The following PRKRIP1 variants were observed in gnomAD, a reference collection of about 807,000 sequenced individuals.
The protein encoded by PRKRIP1 is PRKR-interacting protein 1.
In PRKRIP1, 29 loss-of-function variants were observed where a neutral mutation model predicts 29.3. The ratio of observed to expected loss-of-function variants is 0.99; its 90% CI spans 0.74 to 1.35. The LOEUF (loss-of-function observed/expected upper bound fraction) is 1.35, where lower values mean the gene tolerates loss of function less well. PRKRIP1 is among the 40% of genes most tolerant of loss of function. The pLI is 0.00. For missense variants in PRKRIP1, 247 were observed against 236.8 expected, an observed-to-expected ratio of 1.04 and a Z score of -0.28; for synonymous variants, 90 against 85.1, an observed-to-expected ratio of 1.06 and a Z score of -0.32.
At chr7:102,397,512 C>G in intron 1 of PRKRIP1, 108 bp from the exon 2 acceptor site, 1 of 882,274 alleles carries the variant, frequency 1.1e-6, no homozygotes, top group Non-Finnish European at 1.8e-6. Context: ...CACCACTGCA[C>G]TCCAGCCTGA....
At chr7:102,404,754 G>A (rs1586679135) in intron 4 of PRKRIP1, 71 bp downstream of exon 4, 2 of 1,116,370 alleles carry the variant, frequency 1.8e-6, no homozygotes, top group Non-Finnish European at 2.7e-6. Flanking sequence ...TGTCCTTGCA[G>A]TCAGTAGTAG....
intron 5 of PRKRIP1, among the ~76,000 whole-genome samples, chr7:102,413,735 A>G (rs1228810769): frequency 2.0e-5 from 3 of 152,184 alleles, no homozygotes; most frequent in Non-Finnish European, 4.4e-5. Context: ...TCCTGATTTT[A>G]TCATGTAACA....
chr7:102,421,615 G>A (rs112008894), intron 5 of PRKRIP1, among the ~76,000 whole-genome samples: 96 of 152,204 alleles, frequency 6.3e-4, no homozygotes, highest in African/African-American at 2.1e-3. Flanking sequence ...TAGCTAACAC[G>A]GTGAAACCCC....
intron 5 of PRKRIP1, among the ~76,000 whole-genome samples, chr7:102,418,052 T>C (rs1435926595): frequency 6.7e-6 from 1 of 149,418 alleles, no homozygotes; most frequent in African/African-American, 2.5e-5. Flanking sequence ...TCTTCTTCTT[T>C]TTTTTTTTTT....
rs1796380712 is a variant in PRKRIP1 at position 102,411,461 on chromosome 7, T to G, written c.457+3963T>G. On this transcript the variant is annotated intron_variant, in intron 5 of 5. Transcript: ENST00000397912. ...AGTACAGTGTGCAATCTTGGCTCAC[T>G]GCAACCTCCACCTCCTGGGTTCAAG... is the stretch of plus-strand genomic sequence containing the variant. Among the ~76,000 whole-genome samples the G allele has an allele frequency of 2.0e-5, 3 of 152,030 alleles. No homozygotes were observed. In the East Asian group the frequency reaches 5.8e-4, roughly 29 times the overall value.
chr7:102,423,355 C>A, intron 5 of PRKRIP1: 1 of 366,804 alleles, frequency 2.7e-6, no homozygotes. Context: ...ACCTCGTGAT[C>A]CATCCACCTC....
At chr7:102,422,437 C>A (rs185120087) in intron 5 of PRKRIP1, among the ~76,000 whole-genome samples, 2 of 151,454 alleles carry the variant, frequency 1.3e-5, no homozygotes, top group Non-Finnish European at 2.9e-5. Context: ...CTCCCACCCC[C>A]GGTTCAAGCA....
chr7:102,404,605 T>G lies in PRKRIP1; in HGVS notation c.314T>G (p.Leu105Trp). 1 of 1,613,670 alleles carries G rather than the reference T, an allele frequency of 6.2e-7. No homozygotes were observed. The highest frequency in any genetic ancestry group is 8.5e-7 in the Non-Finnish European group (1 of 1,179,756). The change falls in exon 4 of 6, where the codon TTG (leucine) becomes TGG (tryptophan). Residue 105 changes from leucine (L) to tryptophan (W), a missense_variant. Around this residue, in one of 3 missense-constraint regions of PRKRIP1, gnomAD observed 134 missense variants for 126.6 expected, o/e 1.06. Transcript: ENST00000397912. The part of the protein sequence containing the change: ...YMDAMAEKQK[L>W]DAEFQKRLEK... ...ATGTGGGTTTTGTTGCAGCAAAAAT[T>G]GGATGCAGAGTTTCAGAAAAGACTG...
Position 102,425,564 on chromosome 7 carries a change from A to C in PRKRIP1, c.*453A>C. On this transcript the variant is annotated 3_prime_UTR_variant, in exon 6 of 6. Transcript: ENST00000397912. ...CGTGGACCTGGTCCCAGGCTCAGTGAGGAGATGGCCTCAGCTGTGGGGCTG... is the reference window on the plus strand; with the variant it reads ...CGTGGACCTGGTCCCAGGCTCAGTGCGGAGATGGCCTCAGCTGTGGGGCTG... 3.6e-6 allele frequency: 1 copy of C among 279,360 alleles called. No individual in the cohort carries two copies. The highest frequency in any genetic ancestry group is 7.0e-6 in the Non-Finnish European group (1 of 143,498). The allele number at this position is 279,360 out of a possible 1,614,324, so 17.3% of individuals were successfully genotyped here. A position where few individuals can be genotyped will look rare whatever the true frequency, so the allele number is the denominator to read the frequency against.
At chr7:102,421,900 C>T (rs1554573784) in intron 5 of PRKRIP1, among the ~76,000 whole-genome samples, 1 of 152,050 alleles carries the variant, frequency 6.6e-6, no homozygotes, top group Admixed American at 6.6e-5. Context: ...CAGGTGTTCT[C>T]ATGACACAGC....
intron 5 of PRKRIP1, among the ~76,000 whole-genome samples, chr7:102,421,805 A>G (rs1362359521): frequency 5.9e-5 from 9 of 152,056 alleles, no homozygotes; most frequent in African/African-American, 2.2e-4. Flanking sequence ...CCAAAAAAAA[A>G]AAAAAGTGTC....
At chr7:102,399,422 G>T (rs1796005707) in intron 2 of PRKRIP1, 126 bp from the exon 3 acceptor site, 2 of 715,576 alleles carry the variant, frequency 2.8e-6, no homozygotes, top group Non-Finnish European at 5.0e-6. Flanking sequence ...TGGATACAGT[G>T]GGGAGAAAGG....
At chr7:102,409,427 G>A (rs572149405) in intron 5 of PRKRIP1, among the ~76,000 whole-genome samples, 18 of 152,218 alleles carry the variant, frequency 1.2e-4, no homozygotes, top group African/African-American at 4.3e-4. Flanking sequence ...GGGCATAAAA[G>A]CTATTCTCAC....
chr7:102,396,435 G>A lies in PRKRIP1; in HGVS notation c.24G>A (p.Ser8=). Reference sequence around the variant, plus strand: ...CCATGGCTAGCCCAGCCGCCTCCTCGGTGCGACCACCGAGGCCCAAGAAAG... The same window carrying A: ...CCATGGCTAGCCCAGCCGCCTCCTCAGTGCGACCACCGAGGCCCAAGAAAG... MASPAAS[S]VRPPRPKKEP... The change falls in exon 1 of 6, where the codon TCG becomes TCA. Residue 8 remains serine, a synonymous_variant. Transcript: ENST00000397912. 6.3e-7 allele frequency: 1 copy of A among 1,590,246 alleles called. No homozygotes were observed. The highest frequency in any genetic ancestry group is 8.5e-7 in the Non-Finnish European group (1 of 1,173,682).
At chr7:102,424,319 C>G (rs1796779377) in intron 5 of PRKRIP1, among the ~76,000 whole-genome samples, 1 of 152,278 alleles carries the variant, frequency 6.6e-6, no homozygotes, top group Non-Finnish European at 1.5e-5. Flanking sequence ...GCTGAGGCCA[C>G]CGTGCCTGCG....
intron 5 of PRKRIP1, among the ~76,000 whole-genome samples, chr7:102,420,963 CCA>C (rs1221817417): frequency 6.6e-6 from 1 of 152,078 alleles, no homozygotes; most frequent in Non-Finnish European, 1.5e-5. Flanking sequence ...CCTCTCCAGA[CCA>C]CACACACACC....
At chr7:102,411,000 G>A (rs1554572482) in intron 5 of PRKRIP1, among the ~76,000 whole-genome samples, 2 of 152,062 alleles carry the variant, frequency 1.3e-5, no homozygotes, top group East Asian at 1.9e-4. Context: ...ATCACGGCTC[G>A]CGGCGGCCTT....
chr7:102,403,569 T>C (rs1796129016), intron 3 of PRKRIP1, among the ~76,000 whole-genome samples: 1 of 152,294 alleles, frequency 6.6e-6, no homozygotes, highest in South Asian at 2.1e-4. Flanking sequence ...CAATTTCCGG[T>C]CTCTGCAACC....
chr7:102,404,750 T>G, intron 4 of PRKRIP1, 67 bp downstream of exon 4: 1 of 1,222,412 alleles, frequency 8.2e-7, no homozygotes, highest in Non-Finnish European at 1.2e-6. Flanking sequence ...GAGCTGTCCT[T>G]GCAGTCAGTA....
Sources: allele counts gnomAD v4.1 joint callset (sites outside exome capture counted in the v4.1 genomes callset), GRCh38; gene constraint gnomAD v4.1.1; regional missense constraint gnomAD v4.1.1; transcripts MANE v1.5; gene names NCBI Gene and HGNC (gene_info 2026-07-23, HGNC 2026-07-21).